ARHGEF26: variants seen among roughly 807,000 people sequenced by gnomAD.
ARHGEF26 encodes Rho guanine nucleotide exchange factor 26.
A neutral mutation model predicts 89.4 loss-of-function variants in ARHGEF26; 59 were observed. That is an observed-to-expected ratio of 0.66 (90% CI 0.54 to 0.82). ARHGEF26 has a LOEUF of 0.82. Ranked by LOEUF, ARHGEF26 falls within the 40% of genes least tolerant of loss-of-function variation. The pLI is 0.00. For missense variants in ARHGEF26, 1,234 were observed against 1,085.6 expected (o/e 1.14, Z -1.92); for synonymous variants, 500 against 428.4 (o/e 1.17, Z -2.06).
intron 6 of ARHGEF26, among the ~76,000 whole-genome samples, chr3:154,184,161 A>G (rs1375151727): frequency 6.6e-6 from 1 of 151,910 alleles, no homozygotes; most frequent in Non-Finnish European, 1.5e-5. Flanking sequence ...TTAAGTAGAG[A>G]TGAGGTTTCA....
chr3:154,154,650 C>A (rs1720221641), intron 6 of ARHGEF26, among the ~76,000 whole-genome samples: 1 of 151,656 alleles, frequency 6.6e-6, no homozygotes, highest in South Asian at 2.1e-4. Flanking sequence ...TATGTATTCC[C>A]CTCACTTTCT....
chr3:154,245,556 C>T (rs952174457), intron 12 of ARHGEF26, among the ~76,000 whole-genome samples: 2 of 152,178 alleles, frequency 1.3e-5, no homozygotes, highest in African/African-American at 4.8e-5. Context: ...CCTCTTAGGG[C>T]CCATGTCAAG....
intron 9 of ARHGEF26, among the ~76,000 whole-genome samples, chr3:154,214,465 G>A (rs1440528666): frequency 6.6e-6 from 1 of 152,102 alleles, no homozygotes. Context: ...AAAGCAGAGG[G>A]AGGGGTCTGA....
intron 12 of ARHGEF26, among the ~76,000 whole-genome samples, chr3:154,248,065 T>C (rs1280063248): frequency 6.6e-6 from 1 of 152,222 alleles, no homozygotes; most frequent in African/African-American, 2.4e-5. Context: ...GTCCTTGGCT[T>C]CCTGCATTTG....
chr3:154,253,102 G>C lies in ARHGEF26; in HGVS notation c.2301-14G>C. On this transcript the variant is annotated splice_polypyrimidine_tract_variant and intron_variant, in intron 12 of 14. Coordinates refer to ENST00000465093, the MANE Select transcript of ARHGEF26 (RefSeq NM_015595.4). ...CACCTTGAGTCTCTCAGTTGGATCT[G>C]CCCTCTGTTTTAGGAGCGAGCGAGC... The C allele has an allele frequency of 6.2e-7, 1 of 1,613,874 alleles. No homozygotes were observed. The highest frequency in any genetic ancestry group is 8.5e-7 in the Non-Finnish European group (1 of 1,179,826).
At chr3:154,191,584 A>G (rs543765394) in intron 8 of ARHGEF26, among the ~76,000 whole-genome samples, 166 bp downstream of exon 8, 5 of 152,188 alleles carry the variant, frequency 3.3e-5, no homozygotes, top group Non-Finnish European at 7.3e-5. Flanking sequence ...CCTGTATCTG[A>G]TATCTCTGGA....
In ARHGEF26 at chr3:154,187,810, A is replaced by G; in HGVS notation, c.1613A>G (p.Tyr538Cys). 1.2e-6 allele frequency: 2 copies of G among 1,610,162 alleles called. No individual in the cohort carries two copies. The highest frequency in any genetic ancestry group is 1.7e-6 in the Non-Finnish European group (2 of 1,177,818). Residue 538 changes from tyrosine (Y) to cysteine (C), a missense_variant, in exon 7 of 15, where the codon TAC becomes TGC. Tyr to Cys is a radical substitution (Grantham distance 194). Transcript: ENST00000465093. The part of the protein sequence containing the change: ...PYVKYCTNEV[Y>C]QQRTLQKLLA... ...GTGAAATACTGCACAAATGAAGTCTACCAACAACGAACACTACAAAAATTG... is the reference window on the plus strand; with the variant it reads ...GTGAAATACTGCACAAATGAAGTCTGCCAACAACGAACACTACAAAAATTG...
intron 6 of ARHGEF26, among the ~76,000 whole-genome samples, chr3:154,165,012 A>T (rs951122676): frequency 6.6e-6 from 1 of 152,140 alleles, no homozygotes; most frequent in African/African-American, 2.4e-5. Context: ...AGACTGGTTT[A>T]AAAAATGTAT....
intron 4 of ARHGEF26, among the ~76,000 whole-genome samples, chr3:154,135,911 TG>T (rs1718973716): frequency 6.6e-6 from 1 of 152,216 alleles, no homozygotes; most frequent in South Asian, 2.1e-4. Flanking sequence ...AAGAAATGAC[TG>T]TTGCAACACC....
chr3:154,154,699 C>T (rs1198045105), intron 6 of ARHGEF26, among the ~76,000 whole-genome samples: 3 of 151,894 alleles, frequency 2.0e-5, no homozygotes, highest in African/African-American at 7.2e-5. Flanking sequence ...TTTTCTCAGC[C>T]TCTTTATTCA....
intron 12 of ARHGEF26, among the ~76,000 whole-genome samples, chr3:154,252,154 AGGTGTTGGTCATGAAG>A (rs1718196622): frequency 6.6e-6 from 1 of 152,056 alleles, no homozygotes. Context: ...TTTTTTCCCC[AGGTGTTGGTCATGAAG>A]GCATTTTTTC....
chr3:154,231,435 T>C (rs913165679), intron 11 of ARHGEF26, among the ~76,000 whole-genome samples: 6 of 152,214 alleles, frequency 3.9e-5, no homozygotes, highest in Non-Finnish European at 5.9e-5. Context: ...CTCAGTGTTC[T>C]ATCTGTAATA....
intron 4 of ARHGEF26, among the ~76,000 whole-genome samples, chr3:154,130,207 C>T (rs561373997): frequency 1.7e-5 from 2 of 120,868 alleles, no homozygotes; most frequent in South Asian, 2.7e-4. Flanking sequence ...AGTTCAGTGG[C>T]GTGATCTCGG....
At position 154,163,868 on chromosome 3, in the gene ARHGEF26, C is replaced by A. The variant is rs530833880; in HGVS notation, c.1487+10936C>A. 2.0e-5 allele frequency among the ~76,000 whole-genome samples: 3 copies of A among 152,118 alleles called. No individual in the cohort carries two copies. The East Asian group carries it at 5.8e-4, about 29-fold the overall frequency. ...TAACCTAATTGATTATAAAAGTATC[C>A]CATAATCTGAAGTGTGTGGAGTTTG... On this transcript the variant is annotated intron_variant, in intron 6 of 14. Transcript: ENST00000465093.
chr3:154,136,545 G>T (rs1719019516), intron 4 of ARHGEF26, among the ~76,000 whole-genome samples: 1 of 152,062 alleles, frequency 6.6e-6, no homozygotes, highest in South Asian at 2.1e-4. Context: ...CAGACACTTT[G>T]GCATCTTAGT....
intron 1 of ARHGEF26, 51 bp from the exon 2 acceptor site, chr3:154,121,891 G>C (rs1489426099): frequency 1.4e-6 from 2 of 1,457,524 alleles, no homozygotes; most frequent in Non-Finnish European, 1.8e-6. Context: ...GAGTCGGCCA[G>C]GCGTCCCCGG....
chr3:154,131,664 C>T (rs1302708977), intron 4 of ARHGEF26, among the ~76,000 whole-genome samples: 1 of 152,100 alleles, frequency 6.6e-6, no homozygotes, highest in African/African-American at 2.4e-5. Context: ...TTTTTGTTTT[C>T]TCTCTGTGGC....
chr3:154,194,529 C>G (rs374954041), intron 8 of ARHGEF26, 115 bp from the exon 9 acceptor site: 1 of 704,646 alleles, frequency 1.4e-6, no homozygotes, highest in African/African-American at 1.8e-5. Context: ...CATACTCATC[C>G]GTAATATCGT....
chr3:154,174,516 G>A (rs1712677905), intron 6 of ARHGEF26, among the ~76,000 whole-genome samples: 1 of 152,032 alleles, frequency 6.6e-6, no homozygotes, highest in Non-Finnish European at 1.5e-5. Flanking sequence ...AGCAGGGGTT[G>A]GAGGGAAGAA....
Sources: allele counts gnomAD v4.1 joint callset (sites outside exome capture counted in the v4.1 genomes callset), GRCh38; gene constraint gnomAD v4.1.1; transcripts MANE v1.5; gene names NCBI Gene and HGNC (gene_info 2026-07-23, HGNC 2026-07-21).